Variants in HS3ST2 observed in about 807,000 individuals in gnomAD.
The protein encoded by HS3ST2 is heparan sulfate-glucosamine 3-sulfotransferase 2.
Under a neutral mutation model 26.3 loss-of-function variants are expected in HS3ST2, and 17 were observed. The ratio of observed to expected loss-of-function variants is 0.65; its 90% CI spans 0.44 to 0.97. The LOEUF (loss-of-function observed/expected upper bound fraction) is 0.97, where lower values mean the gene tolerates loss of function less well. Ranked by LOEUF, HS3ST2 falls within the 50% of genes least tolerant of loss-of-function variation. HS3ST2 has a pLI of 0.00. For missense variants in HS3ST2, 402 were observed against 501.2 expected, an observed-to-expected ratio of 0.80 and a Z score of 1.89; for synonymous variants, 237 against 219.2, an observed-to-expected ratio of 1.08 and a Z score of -0.72.
chr16:22,909,693 A>G (rs921378057), intron 1 of HS3ST2, among the ~76,000 whole-genome samples: 1 of 152,186 alleles, frequency 6.6e-6, no homozygotes, highest in Admixed American at 6.5e-5. Context: ...CCTGATTCTT[A>G]TATCTTCTTT....
chr16:22,915,728 A>G lies in HS3ST2; in HGVS notation c.*166A>G, dbSNP rs1474985517. Reference sequence around the variant, plus strand: ...GAAGCCCAGCTAAAGCCAAGAGACCAGAGAGTCCCTGCCACTAGTTTTCAT... The same window carrying G: ...GAAGCCCAGCTAAAGCCAAGAGACCGGAGAGTCCCTGCCACTAGTTTTCAT... On this transcript the variant is annotated 3_prime_UTR_variant, in exon 2 of 2. Coordinates refer to ENST00000261374, the MANE Select transcript of HS3ST2 (RefSeq NM_006043.2). 5 of 703,208 alleles carry G rather than the reference A, an allele frequency of 7.1e-6. No individual in the cohort carries two copies. The highest frequency in any genetic ancestry group is 1.2e-5 in the Non-Finnish European group (5 of 420,712). 43.6% of individuals were successfully genotyped at this position (703,208 alleles called of 1,614,324 possible). A position where few individuals can be genotyped will look rare whatever the true frequency, so the allele number is the denominator to read the frequency against.
At chr16:22,834,228 A>T (rs776762020) in intron 1 of HS3ST2, among the ~76,000 whole-genome samples, 28 of 152,296 alleles carry the variant, frequency 1.8e-4, no homozygotes, top group Middle Eastern at 6.8e-3. Context: ...AACTGATTAA[A>T]GAATTTTAAA....
intron 1 of HS3ST2, among the ~76,000 whole-genome samples, chr16:22,815,855 T>A (rs1596599664): frequency 6.6e-6 from 1 of 152,336 alleles, no homozygotes; most frequent in Non-Finnish European, 1.5e-5. Flanking sequence ...CTGAAGTGCC[T>A]TAAAGGTGTA....
chr16:22,815,712 G>A (rs1900855102), intron 1 of HS3ST2, among the ~76,000 whole-genome samples: 1 of 152,170 alleles, frequency 6.6e-6, no homozygotes, highest in South Asian at 2.1e-4. Context: ...GTAGTGGAAA[G>A]AGCCCTGGAT....
At chr16:22,888,757 TGCCTGC>T (rs1251637909) in intron 1 of HS3ST2, among the ~76,000 whole-genome samples, 1 of 152,318 alleles carries the variant, frequency 6.6e-6, no homozygotes, top group African/African-American at 2.4e-5. Flanking sequence ...GGTCTGTTGT[TGCCTGC>T]CACTTCATCT....
intron 1 of HS3ST2, among the ~76,000 whole-genome samples, chr16:22,832,826 AG>A (rs1415410033): frequency 1.3e-5 from 2 of 151,692 alleles, no homozygotes; most frequent in African/African-American, 4.8e-5. Flanking sequence ...ATCTACTGAC[AG>A]CACCGATGAC....
At chr16:22,884,777 T>G (rs1489294743) in intron 1 of HS3ST2, among the ~76,000 whole-genome samples, 1 of 149,812 alleles carries the variant, frequency 6.7e-6, no homozygotes, top group Non-Finnish European at 1.5e-5. Flanking sequence ...TCACTCCTTT[T>G]GACCTGTAGC....
At chr16:22,914,874 T>C in intron 1 of HS3ST2, 70 bp from the exon 2 acceptor site, 3 of 1,500,854 alleles carry the variant, frequency 2.0e-6, no homozygotes, top group Non-Finnish European at 2.7e-6. Context: ...GTGGAAGGGC[T>C]GATGTAGCTG....
At chr16:22,866,472 A>C (rs1481653057) in intron 1 of HS3ST2, among the ~76,000 whole-genome samples, 1 of 152,038 alleles carries the variant, frequency 6.6e-6, no homozygotes, top group African/African-American at 2.4e-5. Flanking sequence ...AAATATGCAG[A>C]ATGAATTTGT....
intron 1 of HS3ST2, among the ~76,000 whole-genome samples, chr16:22,844,419 C>T (rs917022191): frequency 6.6e-6 from 1 of 152,066 alleles, no homozygotes; most frequent in Non-Finnish European, 1.5e-5. Context: ...GGGTGGCAAC[C>T]TTTATAAGAT....
chr16:22,894,064 G>GCTGT (rs1902171705), intron 1 of HS3ST2, among the ~76,000 whole-genome samples: 1 of 152,134 alleles, frequency 6.6e-6, no homozygotes, highest in Admixed American at 6.5e-5. Context: ...CAAATGATCT[G>GCTGT]CTGTCCTTGG....
chr16:22,838,603 A>T (rs1901308069), intron 1 of HS3ST2, among the ~76,000 whole-genome samples: 1 of 152,174 alleles, frequency 6.6e-6, no homozygotes, highest in Non-Finnish European at 1.5e-5. Context: ...AGGTGTCCAC[A>T]GCTGCTGAAA....
At chr16:22,847,972 A>G (rs1035213544) in intron 1 of HS3ST2, among the ~76,000 whole-genome samples, 1 of 152,082 alleles carries the variant, frequency 6.6e-6, no homozygotes, top group Non-Finnish European at 1.5e-5. Flanking sequence ...AGAGTGAGAA[A>G]GAAAGAATTT....
intron 1 of HS3ST2, among the ~76,000 whole-genome samples, chr16:22,851,219 T>G (rs1245276840): frequency 6.6e-6 from 1 of 152,220 alleles, no homozygotes; most frequent in Non-Finnish European, 1.5e-5. Context: ...ACCCCATCTC[T>G]TATGTGAAGA....
intron 1 of HS3ST2, among the ~76,000 whole-genome samples, chr16:22,899,869 T>C (rs1902261175): frequency 6.6e-6 from 1 of 152,100 alleles, no homozygotes; most frequent in Admixed American, 6.5e-5. Context: ...CCATGACACA[T>C]AGGAATTACG....
chr16:22,908,059 C>T (rs547189646), intron 1 of HS3ST2, among the ~76,000 whole-genome samples: 3 of 152,182 alleles, frequency 2.0e-5, no homozygotes, highest in South Asian at 2.1e-4. Context: ...CCTGGGAGGT[C>T]GAGGCTGCAG....
At chr16:22,909,856 C>G (rs540767181) in intron 1 of HS3ST2, among the ~76,000 whole-genome samples, 1 of 152,044 alleles carries the variant, frequency 6.6e-6, no homozygotes, top group African/African-American at 2.4e-5. Flanking sequence ...CCTGACCAAC[C>G]TGGTGAAACC....
At chr16:22,862,437 C>A (rs954817600) in intron 1 of HS3ST2, among the ~76,000 whole-genome samples, 1 of 152,200 alleles carries the variant, frequency 6.6e-6, no homozygotes, top group African/African-American at 2.4e-5. Flanking sequence ...GCAATCCCAG[C>A]TGTTCAATAT....
chr16:22,878,485 T>C (rs1901947762), intron 1 of HS3ST2, among the ~76,000 whole-genome samples: 1 of 149,672 alleles, frequency 6.7e-6, no homozygotes, highest in South Asian at 2.1e-4. Context: ...AAGGGAGGAG[T>C]TGAAAGGGAT....
Sources: gnomAD v4.1 joint callset for allele counts (sites outside exome capture counted in the v4.1 genomes callset) on GRCh38, gnomAD v4.1.1 for gene constraint, MANE v1.5 for transcripts, NCBI Gene and HGNC (gene_info 2026-07-23, HGNC 2026-07-21) for gene names.